Variants in PCNX4 observed in about 807,000 individuals in gnomAD.
PCNX4 encodes the protein pecanex-like protein 4.
In PCNX4, 103 loss-of-function variants were observed where a neutral mutation model predicts 107.2. The ratio of observed to expected loss-of-function variants is 0.96; its 90% CI spans 0.82 to 1.13. The LOEUF is 1.13. PCNX4 is among the 50% of genes most tolerant of loss of function. PCNX4 has a pLI of 0.00. For missense variants in PCNX4, 1,528 were observed against 1,379.4 expected (o/e 1.11, Z -1.71); for synonymous variants, 541 against 481.7 (o/e 1.12, Z -1.61).
intron 2 of PCNX4, 22 bp downstream of exon 2, chr14:60,108,349 T>C: frequency 6.5e-7 from 1 of 1,529,374 alleles, no homozygotes; most frequent in Non-Finnish European, 8.9e-7. Flanking sequence ...CCAAATACTT[T>C]GTAACTAACT....
chr14:60,111,306 T>C lies in PCNX4; in HGVS notation c.689+2979T>C, dbSNP rs556593278. 6.6e-5 allele frequency: 10 copies of C among 152,286 alleles called. No individual in the cohort carries two copies. The South Asian group carries it at 2.1e-3, about 32-fold the overall frequency. The allele number at this position is 152,286 out of a possible 1,614,324, so 9.4% of individuals were successfully genotyped here. ...TTTAGTCTCTTCTAGTTACACTACA[T>C]TTATGAACCAGAGGACAATGTAATG... is the stretch of plus-strand genomic sequence containing the variant. On this transcript the variant is annotated intron_variant, in intron 2 of 10. Transcript: ENST00000406854.
chr14:60,112,956 G>C (rs996759450), intron 2 of PCNX4, among the ~76,000 whole-genome samples: 34 of 152,342 alleles, frequency 2.2e-4, no homozygotes, highest in African/African-American at 8.2e-4. Flanking sequence ...GGCCGAGGCA[G>C]GCGGATAACG....
At chr14:60,112,283 G>A (rs188909714) in intron 2 of PCNX4, among the ~76,000 whole-genome samples, 17 of 152,228 alleles carry the variant, frequency 1.1e-4, no homozygotes, top group East Asian at 3.9e-4. Context: ...TTGGCATGTG[G>A]ATCTTAGTGA....
intron 9 of PCNX4, 79 bp downstream of exon 9, chr14:60,125,330 G>A: frequency 7.6e-7 from 1 of 1,312,982 alleles, no homozygotes; most frequent in Non-Finnish European, 1.0e-6. Context: ...CAAGAAGACA[G>A]TTATTCGTTT....
Position 60,125,069 on chromosome 14 carries a change from T to C in PCNX4, c.2898T>C (p.Val966=), listed in dbSNP as rs1478518658. Residue 966 remains valine, a synonymous_variant, in exon 9 of 11, where the codon GTT becomes GTC. Transcript: ENST00000406854. ...NVLEEIAKDK[V]LKDFYVHTVM... is the part of the protein sequence containing the mutation. ...TGGAAGAAATTGCCAAGGACAAAGT[T>C]TTAAAAGACTTTTATGTTCATACAG... 1.2e-6 allele frequency: 2 copies of C among 1,613,364 alleles called. No homozygotes were observed. Among genetic ancestry groups the C allele is most frequent in the Admixed American group, 3.3e-5 (2 of 59,872 alleles).
At position 60,135,527 on chromosome 14, in the gene PCNX4, A is replaced by G. The variant is rs1896228167; in HGVS notation, c.*1306A>G. The stretch of plus-strand genomic sequence containing the variant: ...CTTTGTCATGTAGAAATATTTTCTC[A>G]TGTCGTTAAAAGTACTTGTAATTAT... On this transcript the variant is annotated 3_prime_UTR_variant, in exon 11 of 11. Transcript: ENST00000406854. 2 of 151,276 alleles carry G rather than the reference A, an allele frequency of 1.3e-5. No homozygotes were observed. The highest frequency in any genetic ancestry group is 1.3e-4 in the Admixed American group (2 of 15,188). 9.4% of individuals were successfully genotyped at this position (151,276 alleles called of 1,614,324 possible).
intron 2 of PCNX4, among the ~76,000 whole-genome samples, chr14:60,114,388 G>A (rs1023526367): frequency 6.6e-6 from 1 of 152,182 alleles, no homozygotes; most frequent in African/African-American, 2.4e-5. Context: ...ACAAATTCCT[G>A]TATTCAATTT....
In PCNX4 at chr14:60,108,116, C is replaced by T; in HGVS notation, c.478C>T (p.Pro160Ser). 1 of 1,612,798 alleles carries T rather than the reference C, an allele frequency of 6.2e-7. No individual in the cohort carries two copies. Among genetic ancestry groups the T allele is most frequent in the Non-Finnish European group, 8.5e-7 (1 of 1,179,846 alleles). The change falls in exon 2 of 11, where the codon CCA (proline) becomes TCA (serine). Residue 160 changes from proline (P) to serine (S), a missense_variant. Transcript: ENST00000406854. ...ACGLGTWYLL[P>S]NRITLLYGST... The stretch of plus-strand genomic sequence containing the variant: ...TGGTCTTGGAACATGGTATCTGCTC[C>T]CAAATAGAATAACCTTGCTGTATGG...
rs200181341 is a variant in PCNX4 at position 60,126,010 on chromosome 14, T to C, written c.3267+187T>C. ...TGAACTCTAGAATAGCTGATTTCTCTACTTTTGCCAACTGAAGAGGAGCCA... is the reference window on the plus strand; with the variant it reads ...TGAACTCTAGAATAGCTGATTTCTCCACTTTTGCCAACTGAAGAGGAGCCA... On this transcript the variant is annotated intron_variant, in intron 10 of 10. Coordinates refer to ENST00000406854, the MANE Select transcript of PCNX4 (RefSeq NM_001330177.2). The C allele has an allele frequency of 2.9e-5, 12 of 419,934 alleles. No individual in the cohort carries two copies. In the East Asian group the frequency reaches 4.8e-4, roughly 17 times the overall value. The allele number at this position is 419,934 out of a possible 1,614,324, so 26.0% of individuals were successfully genotyped here.
At chr14:60,098,030 T>G (rs2140528666) in intron 1 of PCNX4, among the ~76,000 whole-genome samples, 1 of 152,242 alleles carries the variant, frequency 6.6e-6, no homozygotes, top group Non-Finnish European at 1.5e-5. Flanking sequence ...ATTTTAAGTT[T>G]CACCTTGATC....
chr14:60,103,143 GA>G (rs1895564792), intron 1 of PCNX4, among the ~76,000 whole-genome samples: 1 of 152,084 alleles, frequency 6.6e-6, no homozygotes, highest in Non-Finnish European at 1.5e-5. Flanking sequence ...CTCTGTTCAT[GA>G]CATTCCTCCT....
Position 60,124,861 on chromosome 14 carries a change from T to G in PCNX4, c.2690T>G (p.Ile897Ser). The change falls in exon 9 of 11, where the codon ATT becomes AGT. Residue 897 changes from isoleucine (I) to serine (S), a missense_variant. Physicochemically the swap from Ile to Ser is moderately radical, Grantham distance 142 (BLOSUM62 -2). Coordinates refer to ENST00000406854, the MANE Select transcript of PCNX4 (RefSeq NM_001330177.2). ...GGAAAACAAGAGGACATGCCATATA[T>G]TCCTCTCATGGAGTTCAGTTGTTCA... ...DKGKQEDMPYIPLMEFSCSHS... is the reference protein window; with the variant it reads ...DKGKQEDMPYSPLMEFSCSHS... The G allele has an allele frequency of 6.2e-7, 1 of 1,613,824 alleles. No individual in the cohort carries two copies. Among genetic ancestry groups the G allele is most frequent in the African/African-American group, 1.3e-5 (1 of 75,026 alleles).
rs563131090 is a variant in PCNX4, at chr14:60,098,065, A to T, written c.-54+5646A>T. On this transcript the variant is annotated intron_variant, in intron 1 of 10. Transcript: ENST00000406854. ...CAAAACCCACCAAAATCCAAAGGGC[A>T]TCAGCCTTATGGTTAAGGTCAGCAT... Among the ~76,000 whole-genome samples, 3 of 152,314 alleles carry T rather than the reference A, an allele frequency of 2.0e-5. No homozygotes were observed. The South Asian group carries it at 6.2e-4, about 32-fold the overall frequency.
At chr14:60,131,840 T>C (rs1309949230) in intron 10 of PCNX4, among the ~76,000 whole-genome samples, 1 of 152,210 alleles carries the variant, frequency 6.6e-6, no homozygotes, top group African/African-American at 2.4e-5. Context: ...GGCATAATGA[T>C]AGACATATAA....
intron 10 of PCNX4, among the ~76,000 whole-genome samples, chr14:60,129,184 G>A (rs1339364923): frequency 6.6e-6 from 1 of 151,210 alleles, no homozygotes; most frequent in African/African-American, 2.4e-5. Context: ...AGGTTGCAGT[G>A]AGCCGAGATT....
At chr14:60,094,798 T>C (rs1254594337) in intron 1 of PCNX4, among the ~76,000 whole-genome samples, 1 of 126,018 alleles carries the variant, frequency 7.9e-6, no homozygotes, top group Non-Finnish European at 1.6e-5. Context: ...ACTCCCACCT[T>C]CCCTTTAAAA....
Position 60,097,073 on chromosome 14 carries a change from A to G in PCNX4, c.-54+4654A>G, listed in dbSNP as rs555849240. Reference sequence around the variant, plus strand: ...AGTTTAAATTCTGATTTTTCTGGCTACAAGTTTCTAAAATAAGTTGTGCTT... The same window carrying G: ...AGTTTAAATTCTGATTTTTCTGGCTGCAAGTTTCTAAAATAAGTTGTGCTT... On this transcript the variant is annotated intron_variant, in intron 1 of 10. Transcript: ENST00000406854. Among the ~76,000 whole-genome samples the G allele has an allele frequency of 3.9e-3, 598 of 152,174 alleles. 3 individuals are homozygous for G. Among genetic ancestry groups the G allele is most frequent in the Admixed American group, 6.6e-3 (101 of 15,284 alleles).
In PCNX4 at chr14:60,119,854, A is replaced by G. The variant is rs1895922299; in HGVS notation, c.1942+1162A>G. 2.0e-5 allele frequency among the ~76,000 whole-genome samples: 3 copies of G among 152,354 alleles called. No individual in the cohort carries two copies. In the South Asian group the frequency reaches 6.2e-4, roughly 32 times the overall value. On this transcript the variant is annotated intron_variant, in intron 7 of 10. Transcript: ENST00000406854. ...GCAAAAATGTAAACAATTTGACACTACCAAGTATTGGCTAGGGCATGGGGA... is the reference window on the plus strand; with the variant it reads ...GCAAAAATGTAAACAATTTGACACTGCCAAGTATTGGCTAGGGCATGGGGA...
chr14:60,109,875 T>C (rs1459797059), intron 2 of PCNX4: 3 of 167,194 alleles, frequency 1.8e-5, no homozygotes, highest in Non-Finnish European at 4.4e-5. Context: ...TGTCCTAGTG[T>C]TTTGTGGAGC....
Sources: gnomAD v4.1 joint callset for allele counts (sites outside exome capture counted in the v4.1 genomes callset) on GRCh38, gnomAD v4.1.1 for gene constraint, MANE v1.5 for transcripts, NCBI Gene and HGNC (gene_info 2026-07-23, HGNC 2026-07-21) for gene names.